SP100: variants seen among roughly 807,000 people sequenced by gnomAD.
SP100 encodes the protein nuclear autoantigen Sp-100.
SP100 carries 84 observed loss-of-function variants against 130.0 expected under a neutral mutation model. The observed-to-expected ratio is 0.65, with a 90% CI of 0.54 to 0.77. The LOEUF (loss-of-function observed/expected upper bound fraction) is 0.77, where lower values mean the gene tolerates loss of function less well. Ranked by LOEUF, SP100 falls within the 30% of genes least tolerant of loss-of-function variation. The pLI is 0.00. For synonymous variants in SP100, 331 were observed against 351.7 expected, an observed-to-expected ratio of 0.94 and a Z score of 0.66; for missense variants, 978 against 1,052.2, an observed-to-expected ratio of 0.93 and a Z score of 0.97.
chr2:230,461,487 G>C (rs745596098), intron 9 of SP100, 73 bp downstream of exon 9: 1 of 1,472,566 alleles, frequency 6.8e-7, no homozygotes, highest in Non-Finnish European at 9.4e-7. Context: ...ACTTCATCAC[G>C]GACCATCGGG....
At chr2:230,478,792 A>G (rs2065689027) in intron 17 of SP100, among the ~76,000 whole-genome samples, 1 of 152,090 alleles carries the variant, frequency 6.6e-6, no homozygotes, top group African/African-American at 2.4e-5. Context: ...AATGAATTTC[A>G]CCTAAAAACA....
intron 16 of SP100, among the ~76,000 whole-genome samples, chr2:230,474,143 G>A (rs768802123): frequency 1.2e-4 from 18 of 152,166 alleles, no homozygotes; most frequent in Non-Finnish European, 2.5e-4. Flanking sequence ...CAGGATAACC[G>A]TTGCTGTCCC....
chr2:230,434,005 G>A (rs2063174715), intron 2 of SP100, among the ~76,000 whole-genome samples: 1 of 151,152 alleles, frequency 6.6e-6, no homozygotes, highest in Non-Finnish European at 1.5e-5. Context: ...CTAAAAAATG[G>A]TAAAAGAAAG....
In SP100 at chr2:230,543,143, G is replaced by T; in HGVS notation, c.*197G>T. ...ATGTTAAAAATTCTCAATAAGCTAG[G>T]TATTGAGGAACATATCCCAAAATAA... On this transcript the variant is annotated 3_prime_UTR_variant, in exon 29 of 29. Coordinates refer to ENST00000340126, the MANE Select transcript of SP100 (RefSeq NM_001080391.2). The T allele has an allele frequency of 2.7e-6, 1 of 367,766 alleles. No homozygotes were observed. The allele number at this position is 367,766 out of a possible 1,614,324, so 22.8% of individuals were successfully genotyped here.
intron 24 of SP100, among the ~76,000 whole-genome samples, chr2:230,531,588 ACATTGGCAGTTTGG>A (rs927011098): frequency 5.5e-4 from 84 of 152,336 alleles, no homozygotes; most frequent in African/African-American, 1.6e-3. Context: ...AAAAAGAAAT[ACATTGGCAGTTTGG>A]CATTTCTTTT....
At chr2:230,432,863 A>T (rs2063139632) in intron 2 of SP100, among the ~76,000 whole-genome samples, 2 of 152,172 alleles carry the variant, frequency 1.3e-5, no homozygotes, top group African/African-American at 4.8e-5. Context: ...AACATCATTT[A>T]TTCTCTTATG....
intron 11 of SP100, among the ~76,000 whole-genome samples, 174 bp from the exon 12 acceptor site, chr2:230,466,127 G>A (rs2064935218): frequency 7.7e-6 from 1 of 130,674 alleles, no homozygotes; most frequent in African/African-American, 2.9e-5. Context: ...AGAAGCTACA[G>A]TGTACCAAGA....
intron 24 of SP100, among the ~76,000 whole-genome samples, chr2:230,526,731 T>C (rs1691446421): frequency 6.6e-6 from 1 of 152,164 alleles, no homozygotes; most frequent in Non-Finnish European, 1.5e-5. Flanking sequence ...AGAACTTAAA[T>C]GACCTGATGG....
Position 230,474,445 on chromosome 2 carries a change from G to A in SP100, c.1598G>A (p.Arg533Lys), listed in dbSNP as rs2065430975. Residue 533 changes from arginine (R) to lysine (K), a missense_variant and splice_region_variant, in exon 17 of 29, where the codon AGA becomes AAA. Arg to Lys is a conservative substitution (Grantham distance 26). Transcript: ENST00000340126. ...NSTLEKHSGKRRKKRRHRSKV... is the reference protein window; with the variant it reads ...NSTLEKHSGKKRKKRRHRSKV... ...ACTTTGGAAAAACACAGTGGGAAAA[G>A]AAGTAAGAACAAATAAGAATTTACT... 1 of 1,419,598 alleles carries A rather than the reference G, an allele frequency of 7.0e-7. No individual in the cohort carries two copies. Among genetic ancestry groups the A allele is most frequent in the Non-Finnish European group, 9.9e-7 (1 of 1,012,284 alleles). 87.9% of individuals were successfully genotyped at this position (1,419,598 alleles called of 1,614,324 possible).
rs2063215534 is a variant in SP100 at position 230,435,144 on chromosome 2, G to A, written c.108-7793G>A. On this transcript the variant is annotated intron_variant, in intron 2 of 28. Transcript: ENST00000340126. ...TTACACCAGGGATGAGTAAGTGTCT[G>A]TTTTTCTGAATCTTCTCCCTCGTGA... 2.0e-5 allele frequency among the ~76,000 whole-genome samples: 3 copies of A among 152,176 alleles called. No individual in the cohort carries two copies. In the South Asian group the frequency reaches 6.2e-4, roughly 31 times the overall value.
At chr2:230,520,088 T>C (rs1691101066) in intron 24 of SP100, among the ~76,000 whole-genome samples, 1 of 152,226 alleles carries the variant, frequency 6.6e-6, no homozygotes, top group African/African-American at 2.4e-5. Flanking sequence ...GAAAAGATTA[T>C]CTTACATGTC....
At chr2:230,517,629 G>A (rs1475769440) in intron 24 of SP100, among the ~76,000 whole-genome samples, 1 of 152,038 alleles carries the variant, frequency 6.6e-6, no homozygotes, top group African/African-American at 2.4e-5. Flanking sequence ...ACCAGGCATG[G>A]TGGCATGTGC....
intron 27 of SP100, 30 bp downstream of exon 27, chr2:230,541,402 A>C: frequency 6.4e-7 from 1 of 1,571,928 alleles, no homozygotes; most frequent in Non-Finnish European, 8.7e-7. Flanking sequence ...AAATGCTTAT[A>C]CTGGCATTTG....
At chr2:230,542,799 C>A (rs1357818745) in intron 28 of SP100, 37 bp from the exon 29 acceptor site, 1 of 1,269,674 alleles carries the variant, frequency 7.9e-7, no homozygotes, top group Non-Finnish European at 1.2e-6. Flanking sequence ...CAGCTCATTG[C>A]ATAACTGCTA....
intron 2 of SP100, among the ~76,000 whole-genome samples, chr2:230,433,568 T>C (rs1019028329): frequency 2.0e-5 from 3 of 152,136 alleles, no homozygotes; most frequent in Non-Finnish European, 4.4e-5. Flanking sequence ...ACTGAGTCTC[T>C]AGATCAATTT....
chr2:230,451,144 T>A (rs2063962222), intron 8 of SP100, among the ~76,000 whole-genome samples: 1 of 152,230 alleles, frequency 6.6e-6, no homozygotes, highest in Non-Finnish European at 1.5e-5. Context: ...ATCCTTCGAA[T>A]ATATATTCAG....
chr2:230,427,068 T>C (rs946018090), intron 2 of SP100, among the ~76,000 whole-genome samples: 3 of 152,192 alleles, frequency 2.0e-5, no homozygotes, highest in African/African-American at 7.2e-5. Flanking sequence ...TATAGTCACC[T>C]CTGCTGTCTT....
intron 24 of SP100, among the ~76,000 whole-genome samples, chr2:230,513,636 G>A (rs78037606): frequency 0.014 from 2,102 of 152,202 alleles, 47 homozygotes; most frequent in African/African-American, 0.047. Context: ...CATGTCCCTC[G>A]GTGGGGGAAA....
chr2:230,479,027 GT>G (rs1028658874), intron 17 of SP100, among the ~76,000 whole-genome samples: 8 of 152,106 alleles, frequency 5.3e-5, no homozygotes, highest in African/African-American at 9.7e-5. Flanking sequence ...CACCATATTG[GT>G]TAGGCAGGTT....
Sources: allele counts gnomAD v4.1 joint callset (sites outside exome capture counted in the v4.1 genomes callset), GRCh38; gene constraint gnomAD v4.1.1; transcripts MANE v1.5; gene names NCBI Gene and HGNC (gene_info 2026-07-23, HGNC 2026-07-21).